The following KIAA1217 variants were observed in gnomAD, a reference collection of about 807,000 sequenced individuals.
KIAA1217 encodes sickle tail protein homolog.
Under a neutral mutation model 163.9 loss-of-function variants are expected in KIAA1217, and 88 were observed. The observed-to-expected ratio is 0.54, with a 90% confidence interval of 0.45 to 0.64. KIAA1217 has a LOEUF of 0.64. Among genes scored for constraint, KIAA1217 ranks in the 30% least tolerant of loss-of-function variants. KIAA1217 has a pLI of 0.00. For missense variants in KIAA1217, 2,372 were observed against 2,475.0 expected (o/e 0.96, Z 0.88); for synonymous variants, 903 against 923.1 (o/e 0.98, Z 0.39).
intron 3 of KIAA1217, among the ~76,000 whole-genome samples, chr10:24,395,866 G>A (rs1189511524): frequency 6.6e-6 from 1 of 152,082 alleles, no homozygotes; most frequent in Non-Finnish European, 1.5e-5. Context: ...TAATTTTGTA[G>A]GGACGGGGGT....
At chr10:23,993,553 C>CTTTTTTTTTCTTT (rs1846319610) in intron 1 of KIAA1217, among the ~76,000 whole-genome samples, 1 of 68,956 alleles carries the variant, frequency 1.5e-5, no homozygotes, top group Non-Finnish European at 2.4e-5. Context: ...CATAGCCCAG[C>CTTTTTTTTTCTTT]TTTTTTTTTT....
chr10:24,189,397 G>A (rs2130455116), intron 2 of KIAA1217, among the ~76,000 whole-genome samples: 1 of 152,200 alleles, frequency 6.6e-6, no homozygotes, highest in South Asian at 2.1e-4. Context: ...ACAATGATTG[G>A]TCGCCTTGGT....
At chr10:23,838,965 T>A (rs1838631994) in intron 1 of KIAA1217, among the ~76,000 whole-genome samples, 1 of 152,190 alleles carries the variant, frequency 6.6e-6, no homozygotes, top group Non-Finnish European at 1.5e-5. Flanking sequence ...ATTTTTTCCC[T>A]TTCATATTTG....
intron 2 of KIAA1217, among the ~76,000 whole-genome samples, chr10:24,259,686 C>A (rs1289305672): frequency 6.6e-6 from 1 of 152,204 alleles, no homozygotes; most frequent in Non-Finnish European, 1.5e-5. Flanking sequence ...GTCCTGGAGC[C>A]TGGAACTGAA....
At chr10:24,258,330 A>G (rs948596172) in intron 2 of KIAA1217, among the ~76,000 whole-genome samples, 7 of 152,052 alleles carry the variant, frequency 4.6e-5, no homozygotes, top group Non-Finnish European at 8.8e-5. Context: ...ACCCACAGAC[A>G]CACACACACA....
intron 2 of KIAA1217, among the ~76,000 whole-genome samples, chr10:24,170,904 G>T (rs968907686): frequency 2.0e-5 from 3 of 152,208 alleles, no homozygotes; most frequent in Non-Finnish European, 4.4e-5. Flanking sequence ...ACATACCCTT[G>T]AACGCATGCC....
At chr10:24,345,163 A>C (rs2047569094) in intron 2 of KIAA1217, among the ~76,000 whole-genome samples, 1 of 152,242 alleles carries the variant, frequency 6.6e-6, no homozygotes, top group Admixed American at 6.5e-5. Context: ...TTCTTCACTG[A>C]CAGTTAGCAT....
intron 1 of KIAA1217, among the ~76,000 whole-genome samples, chr10:23,861,669 G>A (rs1312200988): frequency 5.3e-5 from 8 of 152,186 alleles, no homozygotes; most frequent in Non-Finnish European, 1.5e-5. Flanking sequence ...CCATGATGGA[G>A]AGGCCAATAG....
intron 1 of KIAA1217, among the ~76,000 whole-genome samples, chr10:23,831,927 T>C (rs899588957): frequency 6.6e-6 from 1 of 152,108 alleles, no homozygotes; most frequent in Admixed American, 6.6e-5. Context: ...AAGCAAAGTG[T>C]TTTTTCTACC....
chr10:24,065,865 C>T (rs951720889), intron 2 of KIAA1217, among the ~76,000 whole-genome samples: 2 of 152,156 alleles, frequency 1.3e-5, no homozygotes, highest in Non-Finnish European at 2.9e-5. Context: ...GTTAGCTCTT[C>T]TTGTTGAATT....
chr10:24,231,940 T>C (rs1342105211), intron 2 of KIAA1217, among the ~76,000 whole-genome samples: 1 of 152,080 alleles, frequency 6.6e-6, no homozygotes, highest in African/African-American at 2.4e-5. Flanking sequence ...ACTACAGGCA[T>C]GTGCCACCAC....
chr10:24,013,727 T>C (rs891834635), intron 2 of KIAA1217, among the ~76,000 whole-genome samples: 4 of 152,082 alleles, frequency 2.6e-5, no homozygotes, highest in Non-Finnish European at 5.9e-5. Flanking sequence ...AGAATCCAAA[T>C]AAAATCTTAC....
chr10:24,023,308 A>G (rs1314685562), intron 2 of KIAA1217, among the ~76,000 whole-genome samples: 1 of 151,720 alleles, frequency 6.6e-6, no homozygotes, highest in Non-Finnish European at 1.5e-5. Context: ...TTTTATAACC[A>G]TTCTGGCAAA....
intron 2 of KIAA1217, among the ~76,000 whole-genome samples, chr10:24,303,550 A>G (rs12246061): frequency 0.017 from 2,598 of 152,334 alleles, 71 homozygotes; most frequent in African/African-American, 0.059. Context: ...CAGGGAGTCA[A>G]GAATGATTAG....
chr10:23,707,574 C>T (rs909170218), intron 1 of KIAA1217, among the ~76,000 whole-genome samples: 26 of 151,964 alleles, frequency 1.7e-4, no homozygotes, highest in African/African-American at 6.0e-4. Context: ...ACTGGAGGCT[C>T]CAAAAGGTGA....
chr10:24,248,110 C>T (rs2074033586), intron 2 of KIAA1217, among the ~76,000 whole-genome samples: 1 of 152,070 alleles, frequency 6.6e-6, no homozygotes, highest in African/African-American at 2.4e-5. Flanking sequence ...AAGCAGTTCT[C>T]TTTTTCTTTT....
intron 1 of KIAA1217, among the ~76,000 whole-genome samples, chr10:24,216,391 T>A (rs150149106): frequency 6.6e-6 from 1 of 152,344 alleles, no homozygotes; most frequent in Non-Finnish European, 1.5e-5. Flanking sequence ...GCTGTATGTG[T>A]GTATGTAGAC....
intron 2 of KIAA1217, among the ~76,000 whole-genome samples, chr10:24,291,325 T>C (rs554952187): frequency 5.3e-5 from 8 of 152,246 alleles, no homozygotes; most frequent in Admixed American, 4.6e-4. Flanking sequence ...GGTCAGGAAT[T>C]CCAGACCAGC....
chr10:24,432,484 C>G (rs776253133), intron 3 of KIAA1217, among the ~76,000 whole-genome samples: 2 of 152,000 alleles, frequency 1.3e-5, no homozygotes, highest in Non-Finnish European at 2.9e-5. Context: ...GAGTCAGGGT[C>G]TCACTCTATT....
Sources: allele counts gnomAD v4.1 joint callset (sites outside exome capture counted in the v4.1 genomes callset), GRCh38; gene constraint gnomAD v4.1.1; transcripts MANE v1.5; gene names NCBI Gene and HGNC (gene_info 2026-07-23, HGNC 2026-07-21).